TENM2: variants seen among roughly 807,000 people sequenced by gnomAD.
The protein encoded by TENM2 is teneurin-2.
Under a neutral mutation model 245.2 loss-of-function variants are expected in TENM2, and 52 were observed. The observed-to-expected ratio is 0.21, with a 90% confidence interval of 0.17 to 0.27. TENM2 has a LOEUF of 0.27. Among genes scored for constraint, TENM2 ranks in the 10% least tolerant of loss-of-function variants. The probability of loss-of-function intolerance (pLI) is 1.00; values close to 1 mark genes in which losing one functional copy is unlikely to be tolerated. For synonymous variants in TENM2, 1,363 were observed against 1,438.9 expected (o/e 0.95, Z 1.19); for missense variants, 3,046 against 3,666.8 (o/e 0.83, Z 4.37).
intron 3 of TENM2, among the ~76,000 whole-genome samples, chr5:167,921,473 T>C (rs1240630588): frequency 6.6e-6 from 1 of 152,206 alleles, no homozygotes. Flanking sequence ...ATGTGAAGAA[T>C]ATCCACAGAG....
intron 2 of TENM2, among the ~76,000 whole-genome samples, chr5:167,552,258 A>G (rs1440320055): frequency 6.6e-6 from 1 of 152,182 alleles, no homozygotes; most frequent in Non-Finnish European, 1.5e-5. Context: ...AGCTGCATAA[A>G]TATACTCAGG....
intron 6 of TENM2, among the ~76,000 whole-genome samples, chr5:168,061,615 TG>T (rs1423071531): frequency 6.6e-6 from 1 of 152,174 alleles, no homozygotes; most frequent in Non-Finnish European, 1.5e-5. Context: ...TTATTTATTC[TG>T]GGCTGATTTT....
At chr5:167,276,360 G>C in the TENM2 span, among the ~76,000 whole-genome samples, 5 of 128,862 alleles carry the variant, frequency 3.9e-5, no homozygotes, top group African/African-American at 1.4e-4. Flanking sequence ...TTTTGTGTGT[G>C]TGTGTGTGTG....
chr5:167,933,379 T>G (rs949539355), intron 3 of TENM2, among the ~76,000 whole-genome samples: 2 of 152,104 alleles, frequency 1.3e-5, no homozygotes, highest in Non-Finnish European at 2.9e-5. Context: ...GCCCAAAGAT[T>G]GACAGCGTGA....
the TENM2 span, among the ~76,000 whole-genome samples, chr5:167,191,326 G>A: frequency 1.3e-5 from 2 of 151,840 alleles, no homozygotes; most frequent in Non-Finnish European, 2.9e-5. Flanking sequence ...TTTGTGAATC[G>A]GATAGATTGG....
chr5:167,859,409 G>T (rs1325266666), intron 2 of TENM2, among the ~76,000 whole-genome samples: 1 of 144,372 alleles, frequency 6.9e-6, no homozygotes, highest in Non-Finnish European at 1.5e-5. Context: ...CCGGCCAGCC[G>T]CCCCGTCCGG....
At chr5:167,395,277 T>A (rs1323319527) in intron 2 of TENM2, among the ~76,000 whole-genome samples, 1 of 152,172 alleles carries the variant, frequency 6.6e-6, no homozygotes, top group African/African-American at 2.4e-5. Flanking sequence ...CTTAGTTTCC[T>A]TTTCAAATAG....
chr5:167,032,293 T>C, the TENM2 span, among the ~76,000 whole-genome samples: 1 of 152,220 alleles, frequency 6.6e-6, no homozygotes, highest in Non-Finnish European at 1.5e-5. Flanking sequence ...AAATCTGTCC[T>C]TAAAATTTGC....
At position 167,672,987 on chromosome 5, in the gene TENM2, T is replaced by A. The variant is rs572021386; in HGVS notation, c.503-202999T>A. Among the ~76,000 whole-genome samples, 10 of 151,122 alleles carry A rather than the reference T, an allele frequency of 6.6e-5. No homozygotes were observed. The South Asian group carries it at 2.1e-3, about 32-fold the overall frequency. On this transcript the variant is annotated intron_variant, in intron 2 of 28. Transcript: ENST00000518659. The stretch of plus-strand genomic sequence containing the variant: ...GGAGCCATGCCAGTTTCTCTGGAGA[T>A]ACCAGCCCAACCTACCCTCCAACCC...
chr5:167,569,325 A>G (rs1027043276), intron 2 of TENM2, among the ~76,000 whole-genome samples: 3 of 152,144 alleles, frequency 2.0e-5, no homozygotes. Context: ...TTACCGAATA[A>G]GCAAGCTACT....
chr5:167,869,809 A>G (rs575198177), intron 2 of TENM2, among the ~76,000 whole-genome samples: 87 of 152,242 alleles, frequency 5.7e-4, no homozygotes, highest in African/African-American at 1.9e-3. Context: ...AAATATTCTT[A>G]TGGTCTTAAT....
chr5:167,924,888 C>G (rs1777632223), intron 3 of TENM2, among the ~76,000 whole-genome samples: 1 of 152,104 alleles, frequency 6.6e-6, no homozygotes, highest in Non-Finnish European at 1.5e-5. Context: ...ACTGAGAACA[C>G]CAAATACTGG....
chr5:168,246,810 C>T (rs1188825147), exon 27 of TENM2: 1 of 1,613,852 alleles, frequency 6.2e-7, no homozygotes, highest in Non-Finnish European at 8.5e-7. Context: ...AGTATGACTC[C>T]TCTGACCGCC....
the TENM2 span, among the ~76,000 whole-genome samples, chr5:167,049,253 A>G: frequency 2.0e-5 from 3 of 152,230 alleles, no homozygotes; most frequent in Non-Finnish European, 4.4e-5. Flanking sequence ...ATGGCAAATC[A>G]GCGCCCTCTA....
the TENM2 span, among the ~76,000 whole-genome samples, chr5:167,217,230 A>G: frequency 1.3e-5 from 2 of 152,160 alleles, no homozygotes; most frequent in Admixed American, 1.3e-4. Flanking sequence ...TGTGCAGAAA[A>G]GTAAGTGGCC....
intron 3 of TENM2, among the ~76,000 whole-genome samples, chr5:167,901,216 G>C (rs936136808): frequency 4.6e-5 from 7 of 151,584 alleles, no homozygotes; most frequent in Non-Finnish European, 8.8e-5. Flanking sequence ...CGCTTTTTCA[G>C]TTTATCTTAA....
At chr5:168,010,813 A>T (rs1057370784) in intron 5 of TENM2, among the ~76,000 whole-genome samples, 6 of 152,366 alleles carry the variant, frequency 3.9e-5, no homozygotes, top group African/African-American at 1.2e-4. Flanking sequence ...CTTGGCAAGC[A>T]CTGTCCGTGT....
intron 1 of TENM2, among the ~76,000 whole-genome samples, chr5:167,291,090 C>A (rs1044261192): frequency 6.6e-6 from 1 of 152,092 alleles, no homozygotes; most frequent in Non-Finnish European, 1.5e-5. Context: ...AACTGTTATC[C>A]TCCCAGTAAT....
At chr5:167,360,328 A>G (rs763911596) in intron 1 of TENM2, among the ~76,000 whole-genome samples, 1 of 152,190 alleles carries the variant, frequency 6.6e-6, no homozygotes, top group African/African-American at 2.4e-5. Flanking sequence ...GGCTTGATCT[A>G]CTTTGTTTGC....
Sources: gnomAD v4.1 joint callset for allele counts (sites outside exome capture counted in the v4.1 genomes callset) on GRCh38, gnomAD v4.1.1 for gene constraint, MANE v1.5 for transcripts, NCBI Gene and HGNC (gene_info 2026-07-23, HGNC 2026-07-21) for gene names.